GALNTL6: variants seen among roughly 807,000 people sequenced by gnomAD.
GALNTL6 encodes the protein polypeptide N-acetylgalactosaminyltransferase like 6.
In GALNTL6, 46 loss-of-function variants were observed where a neutral mutation model predicts 73.7. The ratio of observed to expected loss-of-function variants is 0.62; its 90% CI spans 0.49 to 0.80. The LOEUF (loss-of-function observed/expected upper bound fraction) is 0.80. GALNTL6 is among the 30% of genes least tolerant of loss of function. The pLI is 0.00. For synonymous variants in GALNTL6, 259 were observed against 263.7 expected (o/e 0.98, Z 0.17); for missense variants, 604 against 755.0 (o/e 0.80, Z 2.34).
intron 2 of GALNTL6, among the ~76,000 whole-genome samples, chr4:172,120,732 C>T (rs539505050): frequency 6.6e-6 from 1 of 152,168 alleles, no homozygotes; most frequent in Non-Finnish European, 1.5e-5. Context: ...ACATAGAATT[C>T]TGAAACTTTC....
At chr4:171,844,811 A>G (rs1426827755) in intron 2 of GALNTL6, among the ~76,000 whole-genome samples, 22 of 152,182 alleles carry the variant, frequency 1.4e-4, no homozygotes, top group Non-Finnish European at 2.9e-5. Flanking sequence ...TGTAAAGATA[A>G]CAAGCAATTT....
chr4:172,009,141 C>G (rs1395902912), intron 2 of GALNTL6, among the ~76,000 whole-genome samples: 1 of 151,992 alleles, frequency 6.6e-6, no homozygotes, highest in African/African-American at 2.4e-5. Context: ...TCCTAAATAC[C>G]TATTTCTCTT....
chr4:171,892,296 T>C lies in GALNTL6; in HGVS notation c.138+77578T>C, dbSNP rs139411106. On this transcript the variant is annotated intron_variant, in intron 2 of 12. Transcript: ENST00000506823. ...TGTATGTGGTGGTATCCCCCATATA[T>C]AGAGGATGGGGAAAGATGGTTCAAG... is the stretch of plus-strand genomic sequence containing the variant. 1.4e-3 allele frequency among the ~76,000 whole-genome samples: 214 copies of C among 152,268 alleles called. 1 individual carries two copies. Among genetic ancestry groups the C allele is most frequent in the Admixed American group, 9.6e-3 (147 of 15,272 alleles).
At chr4:173,020,620 A>T (rs562129087) in intron 11 of GALNTL6, among the ~76,000 whole-genome samples, 2 of 152,296 alleles carry the variant, frequency 1.3e-5, no homozygotes, top group Non-Finnish European at 2.9e-5. Flanking sequence ...TCTTCACTTC[A>T]TCAAGCTTAG....
chr4:171,930,726 C>T (rs546203595), intron 2 of GALNTL6, among the ~76,000 whole-genome samples: 242 of 152,222 alleles, frequency 1.6e-3, no homozygotes, highest in Non-Finnish European at 2.3e-3. Flanking sequence ...GTCCCAGCTA[C>T]TTGGGAGGCT....
At chr4:172,152,298 A>G (rs1474356926) in intron 2 of GALNTL6, among the ~76,000 whole-genome samples, 4 of 152,242 alleles carry the variant, frequency 2.6e-5, no homozygotes, top group Admixed American at 6.5e-5. Context: ...ATATTTTTTA[A>G]TTGAAGATCA....
chr4:172,882,993 T>C, intron 8 of GALNTL6, 86 bp downstream of exon 8: 2 of 727,474 alleles, frequency 2.7e-6, no homozygotes, highest in South Asian at 3.5e-5. Flanking sequence ...GTGACCTGTG[T>C]TCTGGGATGA....
At chr4:171,816,246 T>C (rs1306541869) in intron 2 of GALNTL6, 1 of 152,116 alleles carries the variant, frequency 6.6e-6, no homozygotes, top group Non-Finnish European at 1.5e-5. Flanking sequence ...ATCTGAAGTA[T>C]TTGCTGGTAT....
At chr4:172,734,766 G>T (rs1736357620) in intron 5 of GALNTL6, among the ~76,000 whole-genome samples, 1 of 152,070 alleles carries the variant, frequency 6.6e-6, no homozygotes, top group African/African-American at 2.4e-5. Flanking sequence ...CCTGGGCCAG[G>T]TCCAGGGTCC....
Position 172,683,124 on chromosome 4 carries a change from G to A in GALNTL6, c.554-126237G>A, listed in dbSNP as rs545912002. Among the ~76,000 whole-genome samples the A allele has an allele frequency of 1.1e-4, 17 of 152,288 alleles. No homozygotes were observed. The South Asian group carries it at 3.3e-3, about 30-fold the overall frequency. ...TGTAAGCAATTTGGGAGTTTGTTGA[G>A]ACGTTTTGGCCAAAGTCAGAGACTA... On this transcript the variant is annotated intron_variant, in intron 5 of 12. Transcript: ENST00000506823.
intron 8 of GALNTL6, among the ~76,000 whole-genome samples, chr4:172,883,336 T>C (rs1401672904): frequency 2.0e-5 from 3 of 152,196 alleles, no homozygotes; most frequent in South Asian, 4.1e-4. Flanking sequence ...TGAGACTGGG[T>C]AATTTACAAA....
rs1734449495 is a variant in GALNTL6 at position 171,813,909 on chromosome 4, G to T, written c.-251G>T. ...TTCGTGGACCTCCATCCGAACCGGA[G>T]TTCTGCCCGGATCCCGAGTCCCTGG... On this transcript the variant is annotated 5_prime_UTR_variant, in exon 1 of 13. Coordinates refer to ENST00000506823, the MANE Select transcript of GALNTL6 (RefSeq NM_001034845.3). The surrounding 1 kb of genome is among the most constrained non-coding windows in gnomAD (Gnocchi z 5.2). The T allele has an allele frequency of 6.6e-6, 1 of 152,310 alleles. No individual in the cohort carries two copies. The allele number at this position is 152,310 out of a possible 1,614,324, so 9.4% of individuals were successfully genotyped here.
chr4:172,861,848 G>GC (rs1394970614), intron 7 of GALNTL6, among the ~76,000 whole-genome samples: 1 of 152,176 alleles, frequency 6.6e-6, no homozygotes, highest in Non-Finnish European at 1.5e-5. Context: ...TGTGAGGCCT[G>GC]CCCAGCCATG....
chr4:172,179,614 C>A (rs1042022160), intron 2 of GALNTL6, among the ~76,000 whole-genome samples: 7 of 145,806 alleles, frequency 4.8e-5, no homozygotes, highest in East Asian at 3.9e-4. Flanking sequence ...GTTGGCTGTT[C>A]ACTCTGATGG....
intron 3 of GALNTL6, among the ~76,000 whole-genome samples, chr4:172,238,433 T>C (rs1737313094): frequency 6.6e-6 from 1 of 152,232 alleles, no homozygotes; most frequent in African/African-American, 2.4e-5. Context: ...ATGCTACTAA[T>C]GTTTCTACAT....
intron 7 of GALNTL6, among the ~76,000 whole-genome samples, chr4:172,839,605 G>A (rs1214549223): frequency 6.6e-6 from 1 of 152,094 alleles, no homozygotes; most frequent in Non-Finnish European, 1.5e-5. Flanking sequence ...AGATGCCATG[G>A]TCTGATAGAT....
chr4:172,642,757 G>A (rs1418437713), intron 5 of GALNTL6, among the ~76,000 whole-genome samples: 2 of 151,882 alleles, frequency 1.3e-5, no homozygotes, highest in Non-Finnish European at 2.9e-5. Context: ...TAATGCATAT[G>A]TTAATTAGCT....
At chr4:172,940,184 AAACTTT>A (rs1435858622) in intron 9 of GALNTL6, among the ~76,000 whole-genome samples, 2 of 151,630 alleles carry the variant, frequency 1.3e-5, no homozygotes, top group Admixed American at 1.3e-4. Context: ...AAACCTCGCA[AAACTTT>A]TTTTTTTTTT....
intron 4 of GALNTL6, among the ~76,000 whole-genome samples, chr4:172,342,419 T>C (rs559657318): frequency 1.4e-3 from 220 of 152,342 alleles, no homozygotes; most frequent in African/African-American, 5.1e-3. Context: ...AGAAAAGCTA[T>C]AAACTTCTTA....
Sources: gnomAD v4.1 joint callset for allele counts (sites outside exome capture counted in the v4.1 genomes callset) on GRCh38, gnomAD v4.1.1 for gene constraint, Gnocchi (gnomAD v3.1) non-coding constraint, MANE v1.5 for transcripts, NCBI Gene and HGNC (gene_info 2026-07-23, HGNC 2026-07-21) for gene names.